Variants in SPRR2G observed in about 807,000 individuals in gnomAD.
SPRR2G encodes the protein small proline-rich protein 2G.
SPRR2G carries 1 observed loss-of-function variant against 0.7 expected under a neutral mutation model. That is an observed-to-expected ratio of 1.49 (90% CI 0.53 to 7.06). The LOEUF (loss-of-function observed/expected upper bound fraction) is 7.06. SPRR2G is among the 30% of genes most tolerant of loss of function. The pLI, the probability that SPRR2G is intolerant of heterozygous loss-of-function variation, is 0.14. For missense variants in SPRR2G, 96 were observed against 88.5 expected (o/e 1.09, Z -0.34); for synonymous variants, 38 against 33.9 (o/e 1.12, Z -0.42).
At chr1:153,154,136 A>G (rs1571027421), upstream of SPRR2G, among the ~76,000 whole-genome samples, 1 of 149,022 alleles carries the variant, frequency 6.7e-6, no homozygotes, top group South Asian at 2.1e-4. Context: ...ATTTGCCTAC[A>G]CTGAACCATC....
At chr1:153,176,967 C>T in the SPRR2G span, among the ~76,000 whole-genome samples, 7 of 152,092 alleles carry the variant, frequency 4.6e-5, no homozygotes, top group African/African-American at 1.7e-4. Context: ...ATTTCCAATG[C>T]CCCCTTGCAG....
the SPRR2G span, among the ~76,000 whole-genome samples, chr1:153,197,530 A>G: frequency 1.4e-4 from 21 of 152,078 alleles, no homozygotes; most frequent in Non-Finnish European, 2.9e-4. Flanking sequence ...TTATTTCCCA[A>G]ATATTCACTG....
the SPRR2G span, among the ~76,000 whole-genome samples, chr1:153,184,097 T>C: frequency 9.5e-4 from 144 of 152,318 alleles, no homozygotes; most frequent in Non-Finnish European, 8.4e-4. Context: ...TTGGTACCAG[T>C]ACCATGCTGT....
the SPRR2G span, among the ~76,000 whole-genome samples, chr1:153,168,213 G>A: frequency 6.6e-6 from 1 of 152,178 alleles, no homozygotes; most frequent in Admixed American, 6.5e-5. Context: ...CAGTTCCATA[G>A]AAGAACCTCC....
At chr1:153,181,172 T>C in the SPRR2G span, among the ~76,000 whole-genome samples, 1 of 152,236 alleles carries the variant, frequency 6.6e-6, no homozygotes, top group South Asian at 2.1e-4. Flanking sequence ...GTATGCTTTT[T>C]ATTACCTGAT....
chr1:153,199,727 T>A, the SPRR2G span, among the ~76,000 whole-genome samples: 4 of 152,140 alleles, frequency 2.6e-5, no homozygotes, highest in Non-Finnish European at 5.9e-5. Flanking sequence ...ATTTTTTTTA[T>A]GTAAATAGAA....
chr1:153,192,531 G>A, the SPRR2G span, among the ~76,000 whole-genome samples: 1 of 152,154 alleles, frequency 6.6e-6, no homozygotes, highest in Non-Finnish European at 1.5e-5. Flanking sequence ...GGATTGGGAA[G>A]GTCCCCCCAA....
the SPRR2G span, among the ~76,000 whole-genome samples, chr1:153,187,468 T>C: frequency 6.6e-6 from 1 of 152,026 alleles, no homozygotes; most frequent in Admixed American, 6.6e-5. Context: ...ATCTCTGATA[T>C]CCTTTCTTCT....
the SPRR2G span, among the ~76,000 whole-genome samples, chr1:153,182,905 TG>T: frequency 6.6e-6 from 1 of 152,114 alleles, no homozygotes; most frequent in African/African-American, 2.4e-5. Context: ...ATACCAGTAA[TG>T]GGATTGCTGG....
chr1:153,172,177 C>G, the SPRR2G span, among the ~76,000 whole-genome samples: 1 of 152,154 alleles, frequency 6.6e-6, no homozygotes, highest in East Asian at 1.9e-4. Flanking sequence ...CTTCCAGGGT[C>G]TATCAACACT....
the SPRR2G span, among the ~76,000 whole-genome samples, chr1:153,177,425 T>A: frequency 1.4e-4 from 22 of 152,194 alleles, no homozygotes; most frequent in Non-Finnish European, 2.1e-4. Context: ...ACCGCCAAAT[T>A]GTTTTCTGCA....
At chr1:153,175,535 T>C in the SPRR2G span, among the ~76,000 whole-genome samples, 1 of 152,204 alleles carries the variant, frequency 6.6e-6, no homozygotes. Flanking sequence ...CTCTCCCTGA[T>C]GGACTTTCAT....
chr1:153,150,578 A>AGG (rs775867146), intron 1 of SPRR2G, among the ~76,000 whole-genome samples: 2 of 152,138 alleles, frequency 1.3e-5, no homozygotes, highest in Non-Finnish European at 2.9e-5. Context: ...ACTCCAAGAG[A>AGG]GATGTATTTG....
At chr1:153,155,232 C>A (rs1656557927), upstream of SPRR2G, among the ~76,000 whole-genome samples, 1 of 152,080 alleles carries the variant, frequency 6.6e-6, no homozygotes, top group Non-Finnish European at 1.5e-5. Context: ...TATCCCCTTG[C>A]CCTCTAGATA....
chr1:153,185,322 A>C, the SPRR2G span, among the ~76,000 whole-genome samples: 1 of 144,180 alleles, frequency 6.9e-6, no homozygotes. Context: ...TTGGCTGTGA[A>C]TCCTTCTGGT....
At chr1:153,172,817 G>C in the SPRR2G span, among the ~76,000 whole-genome samples, 1 of 152,186 alleles carries the variant, frequency 6.6e-6, no homozygotes, top group Non-Finnish European at 1.5e-5. Flanking sequence ...TCCCTAAAAG[G>C]AGAGAAGAGT....
chr1:153,183,686 G>A, the SPRR2G span, among the ~76,000 whole-genome samples: 2 of 152,114 alleles, frequency 1.3e-5, no homozygotes, highest in Non-Finnish European at 2.9e-5. Flanking sequence ...TCACTCTGAT[G>A]ATATTTTCTT....
chr1:153,167,620 G>A, the SPRR2G span, among the ~76,000 whole-genome samples: 18 of 152,136 alleles, frequency 1.2e-4, no homozygotes, highest in Non-Finnish European at 1.9e-4. Flanking sequence ...AGATTAGGAA[G>A]GTGGAACTTA....
upstream of SPRR2G, among the ~76,000 whole-genome samples, chr1:153,155,668 C>T (rs1221030772): frequency 6.6e-6 from 1 of 152,174 alleles, no homozygotes. Context: ...CTTCCTTCGC[C>T]TCTAGCCTCA....
Sources: gnomAD v4.1 joint callset for allele counts (sites outside exome capture counted in the v4.1 genomes callset) on GRCh38, gnomAD v4.1.1 for gene constraint, MANE v1.5 for transcripts, NCBI Gene and HGNC (gene_info 2026-07-23, HGNC 2026-07-21) for gene names.